EYS: variants seen among roughly 807,000 people sequenced by gnomAD.
The protein encoded by EYS is EGF-like photoreceptor maintenance factor, also known as protein eyes shut homolog.
EYS carries 250 observed loss-of-function variants against 282.1 expected under a neutral mutation model. The observed-to-expected ratio is 0.89, with a 90% CI of 0.80 to 0.98. The LOEUF (loss-of-function observed/expected upper bound fraction) is 0.98, where lower values mean the gene tolerates loss of function less well. EYS is among the 50% of genes least tolerant of loss of function. EYS has a pLI of 0.00. For missense variants in EYS, 4,016 were observed against 3,709.0 expected (o/e 1.08, Z -2.15); for synonymous variants, 1,355 against 1,282.9 (o/e 1.06, Z -1.20).
At chr6:64,219,319 A>C (rs1219393932) in intron 31 of EYS, among the ~76,000 whole-genome samples, 1 of 152,328 alleles carries the variant, frequency 6.6e-6, no homozygotes, top group East Asian at 1.9e-4. Context: ...CCTGAGAGCT[A>C]TGGGATATTC....
intron 14 of EYS, among the ~76,000 whole-genome samples, chr6:64,947,083 GA>G (rs1769310044): frequency 6.6e-6 from 1 of 151,816 alleles, no homozygotes; most frequent in Non-Finnish European, 1.5e-5. Context: ...TGAGATTACA[GA>G]ACGCATCTTA....
chr6:64,740,873 C>T (rs1392409942), intron 22 of EYS, among the ~76,000 whole-genome samples: 5 of 152,108 alleles, frequency 3.3e-5, no homozygotes, highest in African/African-American at 1.2e-4. Flanking sequence ...GCCACCACGC[C>T]TGGCTAATTT....
chr6:64,240,604 G>A (rs182394036), intron 30 of EYS, among the ~76,000 whole-genome samples: 1 of 152,150 alleles, frequency 6.6e-6, no homozygotes, highest in Non-Finnish European at 1.5e-5. Flanking sequence ...CATTGATTTT[G>A]TATTGAGACT....
At chr6:64,673,815 TA>T (rs1769552753) in intron 22 of EYS, among the ~76,000 whole-genome samples, 1 of 152,044 alleles carries the variant, frequency 6.6e-6, no homozygotes, top group Admixed American at 6.6e-5. Context: ...CTATGGTACC[TA>T]AAAACAATCA....
intron 26 of EYS, among the ~76,000 whole-genome samples, chr6:64,585,225 C>T (rs1766199013): frequency 1.3e-5 from 2 of 152,022 alleles, no homozygotes; most frequent in South Asian, 2.1e-4. Context: ...GAATAGGAAA[C>T]CAAATACTAG....
chr6:64,434,458 A>C (rs191504385), intron 28 of EYS, among the ~76,000 whole-genome samples: 32 of 152,148 alleles, frequency 2.1e-4, no homozygotes, highest in Admixed American at 2.1e-3. Flanking sequence ...TGTGTTAATT[A>C]ATATTGTTGT....
At chr6:63,778,239 A>G (rs1403709805) in intron 39 of EYS, 59 bp from the exon 40 acceptor site, 4 of 1,482,242 alleles carry the variant, frequency 2.7e-6, no homozygotes, top group Non-Finnish European at 3.7e-6. Flanking sequence ...AAAAACAAGA[A>G]GAAGGTTATT....
intron 13 of EYS, among the ~76,000 whole-genome samples, chr6:65,011,764 T>C (rs1771877882): frequency 6.6e-6 from 1 of 152,074 alleles, no homozygotes; most frequent in East Asian, 1.9e-4. Context: ...ACCAATCAGA[T>C]AGTAAGGAGA....
At chr6:64,136,151 A>T (rs1374081836) in intron 31 of EYS, among the ~76,000 whole-genome samples, 1 of 152,004 alleles carries the variant, frequency 6.6e-6, no homozygotes, top group African/African-American at 2.4e-5. Flanking sequence ...TAAAAAAAAA[A>T]AAAAAACCAC....
At chr6:65,466,345 A>G (rs147853545) in intron 5 of EYS, among the ~76,000 whole-genome samples, 14 of 152,272 alleles carry the variant, frequency 9.2e-5, no homozygotes, top group African/African-American at 3.4e-4. Flanking sequence ...AATATAAAAT[A>G]CGACATTAAG....
Position 64,691,558 on chromosome 6 carries a change from A to C in EYS, c.3444-65313T>G, listed in dbSNP as rs79056611. Among the ~76,000 whole-genome samples, 1,055 of 152,238 alleles carry C rather than the reference A, an allele frequency of 6.9e-3. 4 individuals carry two copies. The highest frequency in any genetic ancestry group is 9.2e-3 in the Non-Finnish European group (626 of 67,992). ...GCAGTTACATGTGCAGATTTGTTAC[A>C]TGGGAATATATGCTGCTGAGCTTTG... On this transcript the variant is annotated intron_variant, in intron 22 of 42. Coordinates refer to ENST00000503581, the MANE Select transcript of EYS (RefSeq NM_001142800.2).
chr6:65,174,182 C>G (rs551683630), intron 12 of EYS, among the ~76,000 whole-genome samples: 5 of 151,260 alleles, frequency 3.3e-5, no homozygotes, highest in African/African-American at 1.2e-4. Flanking sequence ...CTTATAATGA[C>G]CACTTTCTTA....
At chr6:64,840,870 C>A (rs1765542253) in intron 19 of EYS, among the ~76,000 whole-genome samples, 1 of 151,964 alleles carries the variant, frequency 6.6e-6, no homozygotes, top group South Asian at 2.1e-4. Flanking sequence ...AAATTGAATG[C>A]AAAATTCAGT....
At chr6:64,646,955 A>C (rs116228084) in intron 22 of EYS, among the ~76,000 whole-genome samples, 1,784 of 152,268 alleles carry the variant, frequency 0.012, 39 homozygotes, top group African/African-American at 0.04. Flanking sequence ...TTTGTAAGGC[A>C]TTTTAATAAA....
At chr6:65,049,022 AG>A (rs1368094942) in intron 13 of EYS, among the ~76,000 whole-genome samples, 1 of 151,900 alleles carries the variant, frequency 6.6e-6, no homozygotes, top group Non-Finnish European at 1.5e-5. Context: ...ATGAGATGAT[AG>A]ATGTGTTAAT....
chr6:64,766,039 CT>C (rs997973049), intron 22 of EYS, among the ~76,000 whole-genome samples: 47 of 150,964 alleles, frequency 3.1e-4, no homozygotes, highest in Non-Finnish European at 4.3e-4. Flanking sequence ...TGAAATCCCC[CT>C]TTTTTTTTGT....
intron 31 of EYS, among the ~76,000 whole-genome samples, chr6:64,139,607 C>T (rs888114788): frequency 6.6e-6 from 1 of 151,948 alleles, no homozygotes; most frequent in African/African-American, 2.4e-5. Flanking sequence ...GAAAGGTTAT[C>T]AATATGGGCA....
At chr6:64,813,759 A>T (rs966615257) in intron 21 of EYS, among the ~76,000 whole-genome samples, 182 bp from the exon 22 acceptor site, 1 of 152,082 alleles carries the variant, frequency 6.6e-6, no homozygotes, top group African/African-American at 2.4e-5. Flanking sequence ...TTTTATTACC[A>T]GAAAGACTGT....
At chr6:65,415,608 G>T (rs894745706) in intron 5 of EYS, among the ~76,000 whole-genome samples, 10 of 152,080 alleles carry the variant, frequency 6.6e-5, no homozygotes, top group African/African-American at 2.2e-4. Context: ...TATCAGGTAA[G>T]AGACATCAAT....
Sources: gnomAD v4.1 joint callset for allele counts (sites outside exome capture counted in the v4.1 genomes callset) on GRCh38, gnomAD v4.1.1 for gene constraint, MANE v1.5 for transcripts, NCBI Gene and HGNC (gene_info 2026-07-23, HGNC 2026-07-21) for gene names.